CTNND2: variants seen among roughly 807,000 people sequenced by gnomAD.
CTNND2 encodes the protein catenin delta-2.
CTNND2 carries 22 observed loss-of-function variants against 144.4 expected under a neutral mutation model. That is an observed-to-expected ratio of 0.15 (90% CI 0.11 to 0.22). CTNND2 has a LOEUF of 0.22. Among genes scored for constraint, CTNND2 ranks in the 10% least tolerant of loss-of-function variants. The pLI is 1.00. For synonymous variants in CTNND2, 751 were observed against 695.6 expected, an observed-to-expected ratio of 1.08 and a Z score of -1.25; for missense variants, 1,353 against 1,618.8, an observed-to-expected ratio of 0.84 and a Z score of 2.82.
chr5:11,793,449 T>C (rs1202596875), intron 1 of CTNND2, among the ~76,000 whole-genome samples: 2 of 152,166 alleles, frequency 1.3e-5, no homozygotes, highest in African/African-American at 2.4e-5. Flanking sequence ...TATTTGGAAA[T>C]AGGATTGTTG....
intron 2 of CTNND2, among the ~76,000 whole-genome samples, chr5:11,701,233 T>G (rs1785417974): frequency 6.6e-6 from 1 of 152,156 alleles, no homozygotes; most frequent in Non-Finnish European, 1.5e-5. Context: ...TAAGTCCCCA[T>G]GAGGAACTCC....
At position 11,420,639 on chromosome 5, in the gene CTNND2, G is replaced by A. The variant is rs115102749; in HGVS notation, c.288-8570C>T. ...TCCAGAATCACTGGTTTGGGTTGCC[G>A]AATAACTCCACTCTCCGCAGAATGT... On this transcript the variant is annotated intron_variant, in intron 3 of 21. Transcript: ENST00000304623. 9.9e-3 allele frequency among the ~76,000 whole-genome samples: 1,514 copies of A among 152,192 alleles called. 23 individuals carry two copies. The highest frequency in any genetic ancestry group is 0.035 in the African/African-American group (1,453 of 41,532).
intron 1 of CTNND2, among the ~76,000 whole-genome samples, chr5:11,814,874 A>T (rs767001342): frequency 5.3e-5 from 8 of 152,246 alleles, no homozygotes; most frequent in Non-Finnish European, 8.8e-5. Context: ...AAGAGAACTG[A>T]GTTGATATTT....
At chr5:10,987,594 T>C (rs188913154) in intron 20 of CTNND2, among the ~76,000 whole-genome samples, 64 of 151,670 alleles carry the variant, frequency 4.2e-4, no homozygotes, top group Non-Finnish European at 8.3e-4. Context: ...TCAACAGCAG[T>C]TTCATGCAGT....
chr5:11,380,173 C>T (rs1378844572), intron 7 of CTNND2, among the ~76,000 whole-genome samples: 1 of 152,150 alleles, frequency 6.6e-6, no homozygotes, highest in African/African-American at 2.4e-5. Context: ...TAAAACTGCC[C>T]ATTCCTGTGG....
chr5:11,784,638 G>A (rs548134950), intron 1 of CTNND2, among the ~76,000 whole-genome samples: 107 of 152,312 alleles, frequency 7.0e-4, no homozygotes, highest in African/African-American at 2.2e-3. Context: ...CTGGTTGAGC[G>A]TGATTTAATC....
At chr5:11,293,061 A>G (rs555359763) in intron 9 of CTNND2, among the ~76,000 whole-genome samples, 2 of 152,358 alleles carry the variant, frequency 1.3e-5, no homozygotes, top group Admixed American at 1.3e-4. Context: ...GAAGTCATCT[A>G]GAGTTAGAGA....
chr5:11,499,252 T>A (rs1328512846), intron 3 of CTNND2, among the ~76,000 whole-genome samples: 2 of 152,186 alleles, frequency 1.3e-5, no homozygotes, highest in African/African-American at 4.8e-5. Context: ...GAAACCTATC[T>A]ATGGATACCA....
chr5:11,541,585 G>A (rs767553494), intron 3 of CTNND2, among the ~76,000 whole-genome samples: 10 of 152,182 alleles, frequency 6.6e-5, no homozygotes, highest in Non-Finnish European at 1.2e-4. Context: ...CTTAGAGAAT[G>A]ACGAACACAC....
intron 3 of CTNND2, among the ~76,000 whole-genome samples, chr5:11,449,358 C>T (rs1765107968): frequency 6.6e-6 from 1 of 152,186 alleles, no homozygotes; most frequent in African/African-American, 2.4e-5. Flanking sequence ...AATTCAACAT[C>T]GTTAGGCTTT....
chr5:11,143,511 G>A (rs985807449), intron 12 of CTNND2, among the ~76,000 whole-genome samples: 11 of 152,106 alleles, frequency 7.2e-5, no homozygotes, highest in African/African-American at 2.4e-4. Flanking sequence ...TCATCTTCAC[G>A]TGGATGTTCT....
chr5:11,465,669 A>G (rs1766607416), intron 3 of CTNND2, among the ~76,000 whole-genome samples: 1 of 152,214 alleles, frequency 6.6e-6, no homozygotes. Flanking sequence ...CCCTTCCAAA[A>G]GGGCACAGAC....
rs1017834993 is a variant in CTNND2 at position 11,879,108 on chromosome 5, C to T, written c.37+24709G>A. Among the ~76,000 whole-genome samples, 9 of 151,908 alleles carry T rather than the reference C, an allele frequency of 5.9e-5. 1 individual carries two copies. Among genetic ancestry groups the T allele is most frequent in the Middle Eastern group, 6.9e-3 (2 of 290 alleles). ...GGGTGAGGCAGATGCCAAGTGGCAC[C>T]GCAGAACATGATTGCAGCACCACGG... On this transcript the variant is annotated intron_variant, in intron 1 of 21. Coordinates refer to ENST00000304623, the MANE Select transcript of CTNND2 (RefSeq NM_001332.4).
intron 3 of CTNND2, among the ~76,000 whole-genome samples, chr5:11,536,149 G>A (rs962773365): frequency 1.3e-5 from 2 of 152,154 alleles, no homozygotes; most frequent in African/African-American, 4.8e-5. Flanking sequence ...CTGCAGCTTT[G>A]AACTAGTGGG....
chr5:11,092,439 G>A (rs1750869496), intron 15 of CTNND2, among the ~76,000 whole-genome samples: 1 of 152,180 alleles, frequency 6.6e-6, no homozygotes, highest in Non-Finnish European at 1.5e-5. Context: ...GATGCATGTG[G>A]CATTTGCAAC....
intron 9 of CTNND2, among the ~76,000 whole-genome samples, chr5:11,265,675 C>T (rs1745359524): frequency 1.3e-5 from 2 of 150,120 alleles, no homozygotes; most frequent in Non-Finnish European, 3.0e-5. Flanking sequence ...GCAAATCACT[C>T]AGCATCACTG....
At chr5:11,068,335 A>G (rs990776929) in intron 16 of CTNND2, among the ~76,000 whole-genome samples, 1 of 152,154 alleles carries the variant, frequency 6.6e-6, no homozygotes, top group Admixed American at 6.5e-5. Context: ...CGTGCATCCA[A>G]CTTTAAGAAT....
At chr5:11,259,892 T>C (rs1343090239) in intron 9 of CTNND2, among the ~76,000 whole-genome samples, 1 of 152,378 alleles carries the variant, frequency 6.6e-6, no homozygotes, top group African/African-American at 2.4e-5. Context: ...CCCAGAGAGC[T>C]GTTCATCTGC....
At chr5:11,484,674 T>C (rs1378144122) in intron 3 of CTNND2, among the ~76,000 whole-genome samples, 1 of 152,234 alleles carries the variant, frequency 6.6e-6, no homozygotes, top group Non-Finnish European at 1.5e-5. Flanking sequence ...TTATTTTAAC[T>C]ATTCTAGAAT....
Sources: gnomAD v4.1 joint callset for allele counts (sites outside exome capture counted in the v4.1 genomes callset) on GRCh38, gnomAD v4.1.1 for gene constraint, MANE v1.5 for transcripts, NCBI Gene and HGNC (gene_info 2026-07-23, HGNC 2026-07-21) for gene names.